Variants in DRC3 observed in about 807,000 individuals in gnomAD.
The protein encoded by DRC3 is dynein regulatory complex subunit 3.
DRC3 carries 45 observed loss-of-function variants against 57.6 expected under a neutral mutation model. The observed-to-expected ratio is 0.78, with a 90% CI of 0.62 to 1.00. DRC3 has a LOEUF of 1.00. Ranked by LOEUF, DRC3 falls within the 50% of genes least tolerant of loss-of-function variation. DRC3 has a pLI of 0.00. For missense variants in DRC3, 655 were observed against 675.2 expected (o/e 0.97, Z 0.33); for synonymous variants, 257 against 272.3 (o/e 0.94, Z 0.55).
Position 17,978,374 on chromosome 17 carries a change from C to T in DRC3, c.160+616C>T, listed in dbSNP as rs73303844. Among the ~76,000 whole-genome samples, 26 of 152,234 alleles carry T rather than the reference C, an allele frequency of 1.7e-4. No homozygotes were observed. In the East Asian group the frequency reaches 4.0e-3, roughly 24 times the overall value. ...GGTGGGGGGACAAGGTGAGACAGCA[C>T]GTGCACAGTGCCTGGCTCACACAGC... is the stretch of plus-strand genomic sequence containing the variant. On this transcript the variant is annotated intron_variant, in intron 3 of 13. Transcript: ENST00000399187.
At chr17:18,001,567 T>C (rs2043732613) in intron 9 of DRC3, among the ~76,000 whole-genome samples, 1 of 152,138 alleles carries the variant, frequency 6.6e-6, no homozygotes, top group African/African-American at 2.4e-5. Context: ...GTGAAATGAA[T>C]GGCAAATATT....
chr17:17,977,097 G>A lies in DRC3; in HGVS notation c.-17-485G>A, dbSNP rs1034291562. 2.5e-4 allele frequency among the ~76,000 whole-genome samples: 38 copies of A among 152,324 alleles called. 1 individual carries two copies. In the East Asian group the frequency reaches 6.9e-3, roughly 28 times the overall value. The stretch of plus-strand genomic sequence containing the variant: ...CACCAGGAGAAGCTTGTGGTGTGGT[G>A]TGGGGCATACACACATGACGGCCTG... On this transcript the variant is annotated intron_variant, in intron 2 of 13. Transcript: ENST00000399187.
intron 4 of DRC3, 75 bp from the exon 5 acceptor site, chr17:17,987,857 C>T (rs1353509408): frequency 1.7e-5 from 26 of 1,504,140 alleles, no homozygotes; most frequent in Non-Finnish European, 2.2e-5. Flanking sequence ...ACTCAGTAGC[C>T]CTGATGGTTT....
intron 3 of DRC3, among the ~76,000 whole-genome samples, chr17:17,980,624 C>T (rs566761073): frequency 1.6e-5 from 2 of 127,546 alleles, no homozygotes; most frequent in East Asian, 4.8e-4. Flanking sequence ...GAGATGGAGT[C>T]TCACTCTGTC....
rs2145189404 is a variant in DRC3 at position 17,977,469 on chromosome 17, C to G, written c.-17-113C>G. ...AGCAGACCCAGGGCTGGGCGTGGGG[C>G]ATTCCTCAGAGTGCCAGTGGCCACA... On this transcript the variant is annotated intron_variant, in intron 2 of 13. Coordinates refer to ENST00000399187, the MANE Select transcript of DRC3 (RefSeq NM_031294.4). 4 of 1,253,144 alleles carry G rather than the reference C, an allele frequency of 3.2e-6. No homozygotes were observed. In the East Asian group the frequency reaches 7.3e-5, roughly 23 times the overall value. 77.6% of individuals were successfully genotyped at this position (1,253,144 alleles called of 1,614,324 possible).
intron 3 of DRC3, among the ~76,000 whole-genome samples, chr17:17,981,034 C>A (rs1264934288): frequency 6.6e-6 from 1 of 152,200 alleles, no homozygotes; most frequent in Non-Finnish European, 1.5e-5. Context: ...GGAGCAGCAG[C>A]GCTGCCTCTC....
At chr17:18,005,943 A>G in intron 10 of DRC3, 1 of 511,476 alleles carries the variant, frequency 2.0e-6, no homozygotes, top group South Asian at 2.3e-5. Context: ...TTCCTGGCAA[A>G]GTTCCGGTGA....
Position 17,977,661 on chromosome 17 carries a change from C to A in DRC3, c.63C>A (p.Ala21=). ...TGGACGATGACATGCTCAAGCTGGCCGTCGGGGACCAGGGCCCCCAGGAGG... is the reference window on the plus strand; with the variant it reads ...TGGACGATGACATGCTCAAGCTGGCAGTCGGGGACCAGGGCCCCCAGGAGG... The part of the protein sequence containing the change: ...RVMDDDMLKL[A]VGDQGPQEEA... The change falls in exon 3 of 14, where the codon GCC becomes GCA. Residue 21 remains alanine (A), a synonymous_variant. Transcript: ENST00000399187. 6.2e-7 allele frequency: 1 copy of A among 1,613,892 alleles called. No individual in the cohort carries two copies. Among genetic ancestry groups the A allele is most frequent in the South Asian group, 1.1e-5 (1 of 91,070 alleles).
At chr17:17,986,808 A>G (rs1364974751) in intron 4 of DRC3, among the ~76,000 whole-genome samples, 1 of 152,146 alleles carries the variant, frequency 6.6e-6, no homozygotes, top group Non-Finnish European at 1.5e-5. Flanking sequence ...TATCATGCTC[A>G]TATTTCCAAG....
intron 12 of DRC3, among the ~76,000 whole-genome samples, chr17:18,009,031 C>T (rs1300953198): frequency 6.6e-6 from 1 of 152,136 alleles, no homozygotes; most frequent in African/African-American, 2.4e-5. Context: ...TGGCTTTACG[C>T]CTGCAGTTAT....
chr17:17,990,165 C>T (rs1568483553), intron 5 of DRC3, among the ~76,000 whole-genome samples: 2 of 152,098 alleles, frequency 1.3e-5, no homozygotes, highest in Admixed American at 1.3e-4. Flanking sequence ...CTGATCAAGC[C>T]CCCTCAGGGT....
In DRC3 at chr17:17,991,457, A is replaced by AT. The variant is rs1056478568; in HGVS notation, c.445-1296dup. Among the ~76,000 whole-genome samples, 1,026 of 144,180 alleles carry AT rather than the reference A, an allele frequency of 7.1e-3. 8 individuals carry two copies. Among genetic ancestry groups the AT allele is most frequent in the East Asian group, 0.033 (165 of 4,982 alleles). 94.6% of individuals were successfully genotyped at this position (144,180 alleles called of 152,430 possible). On this transcript the variant is annotated intron_variant, in intron 5 of 13. Coordinates refer to ENST00000399187, the MANE Select transcript of DRC3 (RefSeq NM_031294.4). ...AGGCGCCTGCCACCATGCCCGGCTA[A>AT]TTTTTTTTTTTTGTATTTTTAGTAG...
At chr17:18,001,018 G>A (rs894333502) in intron 9 of DRC3, among the ~76,000 whole-genome samples, 10 of 151,962 alleles carry the variant, frequency 6.6e-5, no homozygotes, top group Non-Finnish European at 5.9e-5. Context: ...TCGTGCCTCA[G>A]CCTCCTGAGT....
chr17:18,003,821 T>G (rs1353888164), intron 9 of DRC3, among the ~76,000 whole-genome samples: 1 of 150,690 alleles, frequency 6.6e-6, no homozygotes, highest in Non-Finnish European at 1.5e-5. Context: ...TTTTTTTTTT[T>G]TTTGTATTTT....
chr17:17,979,778 G>A (rs754635017), intron 3 of DRC3, among the ~76,000 whole-genome samples: 7 of 152,144 alleles, frequency 4.6e-5, no homozygotes, highest in African/African-American at 1.2e-4. Context: ...GGAGGTGGCC[G>A]GGAGGCTGGG....
intron 5 of DRC3, among the ~76,000 whole-genome samples, chr17:17,991,791 G>A (rs754084025): frequency 1.3e-5 from 2 of 152,162 alleles, no homozygotes; most frequent in Non-Finnish European, 2.9e-5. Context: ...TTAGCCATAA[G>A]TTGGGTCCCA....
At chr17:17,976,337 C>T (rs2145180892) in intron 2 of DRC3, among the ~76,000 whole-genome samples, 1 of 152,294 alleles carries the variant, frequency 6.6e-6, no homozygotes, top group South Asian at 2.1e-4. Flanking sequence ...CTACAGATCC[C>T]CCCTGTGCTG....
At chr17:17,983,005 G>A (rs1490134321) in intron 3 of DRC3, among the ~76,000 whole-genome samples, 3 of 152,268 alleles carry the variant, frequency 2.0e-5, no homozygotes, top group East Asian at 1.9e-4. Flanking sequence ...GGCCTCTAGA[G>A]TGTTACATAT....
chr17:18,007,618 A>C, intron 12 of DRC3: 9 of 1,418,744 alleles, frequency 6.3e-6, no homozygotes, highest in Non-Finnish European at 8.3e-6. Flanking sequence ...CAAAATCAGC[A>C]GGGTCGGCCT....
Sources: allele counts gnomAD v4.1 joint callset (sites outside exome capture counted in the v4.1 genomes callset), GRCh38; gene constraint gnomAD v4.1.1; transcripts MANE v1.5; gene names NCBI Gene and HGNC (gene_info 2026-07-23, HGNC 2026-07-21).